Variants in CEMIP observed in about 807,000 individuals in gnomAD.
CEMIP encodes cell migration inducing hyaluronidase 1.
In CEMIP, 105 loss-of-function variants were observed where a neutral mutation model predicts 156.9. The observed-to-expected ratio is 0.67, with a 90% CI of 0.57 to 0.79. The LOEUF is 0.79. CEMIP is among the 30% of genes least tolerant of loss of function. The pLI, the probability that CEMIP is intolerant of heterozygous loss-of-function variation, is 0.00. For synonymous variants in CEMIP, 676 were observed against 668.4 expected, an observed-to-expected ratio of 1.01 and a Z score of -0.17; for missense variants, 1,457 against 1,769.4, an observed-to-expected ratio of 0.82 and a Z score of 3.17.
intron 1 of CEMIP, among the ~76,000 whole-genome samples, chr15:80,798,508 C>G (rs2141596272): frequency 6.6e-6 from 1 of 152,240 alleles, no homozygotes; most frequent in South Asian, 2.1e-4. Context: ...TTGTGTACAA[C>G]AGTGTTATTT....
chr15:80,839,781 A>G (rs1214901815), intron 1 of CEMIP, among the ~76,000 whole-genome samples: 1 of 152,196 alleles, frequency 6.6e-6, no homozygotes, highest in African/African-American at 2.4e-5. Flanking sequence ...TCACCCTCCC[A>G]GGTGGTCATT....
intron 1 of CEMIP, among the ~76,000 whole-genome samples, chr15:80,795,519 G>A (rs569010882): frequency 6.6e-6 from 1 of 152,222 alleles, no homozygotes; most frequent in East Asian, 1.9e-4. Flanking sequence ...CCAGGTGGTG[G>A]GATGAGCATC....
chr15:80,920,254 A>G lies in CEMIP; in HGVS notation c.1958A>G (p.Glu653Gly). 1 of 1,614,204 alleles carries G rather than the reference A, an allele frequency of 6.2e-7. No homozygotes were observed. Among genetic ancestry groups the G allele is most frequent in the Non-Finnish European group, 8.5e-7 (1 of 1,180,034 alleles). ...RDSKMCKMIT[E>G]DSYPGYIPKP... ...AGCAAGATGTGCAAGATGATCACAG[A>G]GGACTCCTACCCGGGGTACATCCCC... Residue 653 changes from glutamate to glycine, a missense_variant, in exon 15 of 30, where the codon GAG becomes GGG. Glu to Gly is a moderately conservative substitution (Grantham distance 98). This residue lies in a region of CEMIP where 798 missense variants were observed against 980.1 expected (regional missense o/e 0.81). Transcript: ENST00000394685.
intron 1 of CEMIP, among the ~76,000 whole-genome samples, chr15:80,842,826 A>G (rs1264771997): frequency 6.6e-6 from 1 of 152,146 alleles, no homozygotes; most frequent in Admixed American, 6.5e-5. Flanking sequence ...GAGGTTTGAG[A>G]GAGAATAAGG....
chr15:80,930,500 G>A (rs1167388312), intron 21 of CEMIP, among the ~76,000 whole-genome samples: 4 of 152,160 alleles, frequency 2.6e-5, no homozygotes, highest in East Asian at 1.9e-4. Flanking sequence ...ATCTTGTATA[G>A]AGCTGGGTCA....
At chr15:80,830,503 C>T (rs1156798066) in intron 1 of CEMIP, among the ~76,000 whole-genome samples, 1 of 152,184 alleles carries the variant, frequency 6.6e-6, no homozygotes, top group Non-Finnish European at 1.5e-5. Flanking sequence ...AGGATGGCCC[C>T]AGAGCCCTGG....
At chr15:80,844,586 T>G (rs1162136587) in intron 1 of CEMIP, among the ~76,000 whole-genome samples, 20 of 152,188 alleles carry the variant, frequency 1.3e-4, no homozygotes. Context: ...GAATGTCTAT[T>G]CATTTCAGCT....
At chr15:80,803,769 C>G (rs1016025613) in intron 1 of CEMIP, among the ~76,000 whole-genome samples, 75 of 152,308 alleles carry the variant, frequency 4.9e-4, no homozygotes, top group African/African-American at 1.7e-3. Context: ...GTCTTGGGCT[C>G]CAGACCCACA....
At chr15:80,871,933 C>T (rs1420576416) in intron 1 of CEMIP, among the ~76,000 whole-genome samples, 2 of 152,272 alleles carry the variant, frequency 1.3e-5, no homozygotes, top group Non-Finnish European at 2.9e-5. Context: ...CCCTGTTGTT[C>T]TCGGCAGAGC....
At chr15:80,785,159 G>T (rs1895898729) in intron 1 of CEMIP, among the ~76,000 whole-genome samples, 1 of 152,184 alleles carries the variant, frequency 6.6e-6, no homozygotes, top group African/African-American at 2.4e-5. Flanking sequence ...TCTTTGCCTG[G>T]CAGAGGCATT....
Position 80,937,997 on chromosome 15 carries a change from T to TG in CEMIP, c.3407+20dup. On this transcript the variant is annotated intron_variant, in intron 25 of 29. Coordinates refer to ENST00000394685, the MANE Select transcript of CEMIP (RefSeq NM_001293298.2). ...GACTCAGGGTGAGCAGGCGCCCACT[T>TG]GGCTGCAGGAAAGTGGCTCAACCTC... The TG allele has an allele frequency of 6.2e-7, 1 of 1,608,422 alleles. No individual in the cohort carries two copies. Among genetic ancestry groups the TG allele is most frequent in the South Asian group, 1.1e-5 (1 of 90,362 alleles).
chr15:80,839,403 AGTGGGGGAGGGAGAAGT>A (rs1394683463), intron 1 of CEMIP, among the ~76,000 whole-genome samples: 1 of 151,716 alleles, frequency 6.6e-6, no homozygotes, highest in East Asian at 1.9e-4. Flanking sequence ...GCTTGTCCCA[AGTGGGGGAGGGAGAAGT>A]GTGGACACCA....
intron 10 of CEMIP, among the ~76,000 whole-genome samples, chr15:80,892,599 A>G (rs967286327): frequency 3.9e-5 from 6 of 152,144 alleles, no homozygotes; most frequent in Non-Finnish European, 7.3e-5. Flanking sequence ...AGCCAGAGAG[A>G]TCACAGCTCT....
intron 1 of CEMIP, among the ~76,000 whole-genome samples, chr15:80,814,840 G>A (rs993271139): frequency 1.3e-5 from 2 of 152,082 alleles, no homozygotes; most frequent in Non-Finnish European, 2.9e-5. Context: ...TAAATTCTAG[G>A]GGTGTGCTTT....
chr15:80,813,468 G>A (rs1896718192), intron 1 of CEMIP, among the ~76,000 whole-genome samples: 1 of 150,606 alleles, frequency 6.6e-6, no homozygotes, highest in Non-Finnish European at 1.5e-5. Context: ...TCCTGCCTCA[G>A]CCTCCCAAGT....
In CEMIP at chr15:80,925,717, C is replaced by T; in HGVS notation, c.2382C>T (p.Ala794=). 1 of 1,613,686 alleles carries T rather than the reference C, an allele frequency of 6.2e-7. No individual in the cohort carries two copies. Among genetic ancestry groups the T allele is most frequent in the Non-Finnish European group, 8.5e-7 (1 of 1,179,986 alleles). ...FIAYKNQDHG[A]WLRGGDVWLD... ...CCTACAAGAACCAGGACCACGGGGC[C>T]TGGCTGCGCGGCGGGGATGTGTGGC... Residue 794 remains alanine, a synonymous_variant, in exon 19 of 30, where the codon GCC becomes GCT. Coordinates refer to ENST00000394685, the MANE Select transcript of CEMIP (RefSeq NM_001293298.2).
At chr15:80,893,452 G>GTTAT (rs761140185) in intron 10 of CEMIP, among the ~76,000 whole-genome samples, 31 of 152,278 alleles carry the variant, frequency 2.0e-4, no homozygotes, top group Non-Finnish European at 4.4e-4. Flanking sequence ...ATTGTTGGAT[G>GTTAT]TTATACCTGG....
intron 1 of CEMIP, among the ~76,000 whole-genome samples, chr15:80,829,554 C>T (rs1053618428): frequency 2.6e-5 from 4 of 152,210 alleles, no homozygotes; most frequent in African/African-American, 7.2e-5. Context: ...CCATATTCCA[C>T]GGAACCCTAG....
intron 1 of CEMIP, among the ~76,000 whole-genome samples, chr15:80,812,534 C>G (rs575896017): frequency 6.6e-6 from 1 of 152,220 alleles, no homozygotes; most frequent in East Asian, 1.9e-4. Flanking sequence ...GCTTGTGGGC[C>G]TATTGTGAGG....
Sources: gnomAD v4.1 joint callset for allele counts (sites outside exome capture counted in the v4.1 genomes callset) on GRCh38, gnomAD v4.1.1 for gene constraint, gnomAD v4.1.1 regional missense constraint, MANE v1.5 for transcripts, NCBI Gene and HGNC (gene_info 2026-07-23, HGNC 2026-07-21) for gene names.